The following SFTPD variants were observed in gnomAD, a reference collection of about 807,000 sequenced individuals.
SFTPD encodes the protein pulmonary surfactant-associated protein D.
Under a neutral mutation model 34.6 loss-of-function variants are expected in SFTPD, and 18 were observed. The observed-to-expected ratio is 0.52, with a 90% CI of 0.36 to 0.77. SFTPD has a LOEUF of 0.77. Among genes scored for constraint, SFTPD ranks in the 30% least tolerant of loss-of-function variants. The probability of loss-of-function intolerance (pLI) is 0.00; values close to 1 mark genes in which losing one functional copy is unlikely to be tolerated. For synonymous variants in SFTPD, 155 were observed against 180.9 expected (o/e 0.86, Z 1.15); for missense variants, 433 against 468.9 (o/e 0.92, Z 0.71).
Position 79,941,905 on chromosome 10 carries a change from G to A in SFTPD, c.550+49C>T. 4.1e-6 allele frequency: 5 copies of A among 1,217,122 alleles called. No individual in the cohort carries two copies. In the South Asian group the frequency reaches 4.9e-5, roughly 12 times the overall value. The allele number at this position is 1,217,122 out of a possible 1,614,324, so 75.4% of individuals were successfully genotyped here. Reference sequence around the variant, plus strand: ...GTGTAGGCATTGACAGCTCCAAGCAGGCACAGGAGAACTGGACCCAGCCCA... The same window carrying A: ...GTGTAGGCATTGACAGCTCCAAGCAAGCACAGGAGAACTGGACCCAGCCCA... On this transcript the variant is annotated intron_variant, in intron 5 of 7. Transcript: ENST00000372292.
At chr10:79,942,653 C>T (rs1453368010) in intron 3 of SFTPD, 110 bp downstream of exon 3, 1 of 944,906 alleles carries the variant, frequency 1.1e-6, no homozygotes, top group Non-Finnish European at 1.7e-6. Context: ...GACCCAGTGC[C>T]ACCTTCAGAC....
At chr10:79,939,058 A>G (rs747416396) in intron 7 of SFTPD, among the ~76,000 whole-genome samples, 2 of 152,138 alleles carry the variant, frequency 1.3e-5, no homozygotes, top group African/African-American at 4.8e-5. Flanking sequence ...CCATTTCCTC[A>G]TCTCTAAAAT....
chr10:79,968,458 C>CTA (rs1334084711), intron 1 of SFTPD: 1 of 152,132 alleles, frequency 6.6e-6, no homozygotes, highest in Non-Finnish European at 1.5e-5. Context: ...GGATAATGGC[C>CTA]TCCAGTTCTA....
chr10:79,973,647 A>G (rs1842847917), intron 1 of SFTPD, among the ~76,000 whole-genome samples: 1 of 152,030 alleles, frequency 6.6e-6, no homozygotes, highest in African/African-American at 2.4e-5. Flanking sequence ...AGTCTTAGAA[A>G]ACGAAATGTT....
intron 1 of SFTPD, chr10:79,971,068 A>G (rs919162617): frequency 1.3e-5 from 2 of 152,138 alleles, no homozygotes; most frequent in Non-Finnish European, 2.9e-5. Context: ...GAAGATTTTT[A>G]TCATGAAAGG....
At chr10:79,960,905 G>A (rs996780779) in intron 1 of SFTPD, among the ~76,000 whole-genome samples, 6 of 151,278 alleles carry the variant, frequency 4.0e-5, no homozygotes, top group Middle Eastern at 3.4e-3. Context: ...ATACTACAAG[G>A]CTACAGTAAC....
chr10:79,960,679 A>C (rs1842766909), intron 1 of SFTPD, among the ~76,000 whole-genome samples: 2 of 152,012 alleles, frequency 1.3e-5, no homozygotes, highest in Non-Finnish European at 2.9e-5. Context: ...TTCCATGCTC[A>C]TGGGTAGGAA....
chr10:79,960,983 A>G (rs1459607115), intron 1 of SFTPD, among the ~76,000 whole-genome samples: 4 of 152,228 alleles, frequency 2.6e-5, no homozygotes, highest in African/African-American at 9.6e-5. Flanking sequence ...GCCCTCAGAA[A>G]TAATGCCGCA....
intron 6 of SFTPD, among the ~76,000 whole-genome samples, 199 bp from the exon 7 acceptor site, chr10:79,940,987 G>A (rs1161706203): frequency 7.9e-6 from 1 of 127,080 alleles, no homozygotes; most frequent in African/African-American, 3.0e-5. Flanking sequence ...ATTGCTGCCT[G>A]TACTTCACTG....
intron 1 of SFTPD, among the ~76,000 whole-genome samples, chr10:79,975,465 G>C (rs936676757): frequency 6.6e-6 from 1 of 152,062 alleles, no homozygotes; most frequent in Non-Finnish European, 1.5e-5. Flanking sequence ...TACTCACCAC[G>C]GGGATTGCTT....
chr10:79,965,570 T>G (rs571632379), intron 1 of SFTPD, among the ~76,000 whole-genome samples: 1 of 88,600 alleles, frequency 1.1e-5, no homozygotes, highest in Non-Finnish European at 2.0e-5. Context: ...TATTTTTTAT[T>G]TTTTATTTTT....
At chr10:79,968,313 G>A (rs34406153) in intron 1 of SFTPD, 35,217 of 152,088 alleles carry the variant, frequency 0.23, 4,717 homozygotes, top group East Asian at 0.56. Context: ...ATGGTACCCA[G>A]TAGTTTTTCA....
chr10:79,942,463 C>T lies in SFTPD; in HGVS notation c.358G>A (p.Glu120Lys). 3 of 1,613,616 alleles carry T rather than the reference C, an allele frequency of 1.9e-6. No individual in the cohort carries two copies. Among genetic ancestry groups the T allele is most frequent in the South Asian group, 1.1e-5 (1 of 91,078 alleles). ...TTCCCCTGCTTCCCCAGGGGACCTT[C>T]TCTTCCAGCTGGACCAGGCACACCG... ...PPGVPGPAGR[E>K]GPLGKQGNIG... The change falls in exon 4 of 8, where the codon GAA (glutamate) becomes AAA (lysine). Residue 120 changes from glutamate (E) to lysine (K), a missense_variant. Transcript: ENST00000372292.
intron 1 of SFTPD, among the ~76,000 whole-genome samples, chr10:79,965,440 C>T (rs377322579): frequency 1.7e-4 from 26 of 151,930 alleles, no homozygotes; most frequent in Non-Finnish European, 2.5e-4. Flanking sequence ...CCCCTAATCC[C>T]GCTCGAAGCA....
intron 1 of SFTPD, among the ~76,000 whole-genome samples, chr10:79,977,480 A>T (rs1023907871): frequency 6.6e-6 from 1 of 152,210 alleles, no homozygotes; most frequent in East Asian, 1.9e-4. Context: ...CAACACACAC[A>T]TACACACACA....
intron 1 of SFTPD, among the ~76,000 whole-genome samples, chr10:79,973,679 C>T (rs927188619): frequency 2.0e-5 from 3 of 149,026 alleles, no homozygotes; most frequent in African/African-American, 7.4e-5. Context: ...GTTATTTTAT[C>T]AATATACCCT....
At chr10:79,961,896 A>G (rs569224228) in intron 1 of SFTPD, among the ~76,000 whole-genome samples, 3,206 of 151,328 alleles carry the variant, frequency 0.021, 112 homozygotes, top group African/African-American at 0.074. Context: ...AACCAACCCA[A>G]ATGTCCAACA....
intron 7 of SFTPD, 115 bp downstream of exon 7, chr10:79,940,590 G>T: frequency 2.9e-6 from 2 of 678,478 alleles, no homozygotes; most frequent in Non-Finnish European, 5.4e-6. Flanking sequence ...CCCAGGGCAG[G>T]CTCTGCCTCA....
intron 1 of SFTPD, among the ~76,000 whole-genome samples, chr10:79,978,482 T>G (rs1053183896): frequency 2.6e-5 from 4 of 151,648 alleles, no homozygotes; most frequent in African/African-American, 9.7e-5. Context: ...TGAAACCCCA[T>G]CTCTACAAAA....
Sources: allele counts gnomAD v4.1 joint callset (sites outside exome capture counted in the v4.1 genomes callset), GRCh38; gene constraint gnomAD v4.1.1; transcripts MANE v1.5; gene names NCBI Gene and HGNC (gene_info 2026-07-23, HGNC 2026-07-21).